The following P2RY12 variants were observed in gnomAD, a reference collection of about 807,000 sequenced individuals.
P2RY12 encodes purinergic receptor P2Y12.
P2RY12 carries 3 observed loss-of-function variants against 4.5 expected under a neutral mutation model. The ratio of observed to expected loss-of-function variants is 0.67; its 90% CI spans 0.31 to 1.74. The LOEUF is 1.74. Among genes scored for constraint, P2RY12 ranks in the 40% most tolerant of loss-of-function variants. P2RY12 has a pLI of 0.09. For missense variants in P2RY12, 356 were observed against 407.8 expected (o/e 0.87, Z 1.09); for synonymous variants, 148 against 154.1 (o/e 0.96, Z 0.29).
At position 151,383,858 on chromosome 3, in the gene P2RY12, C is replaced by T. The variant is rs1458009806; in HGVS notation, c.-180+834G>A. 9 of 1,613,772 alleles carry T rather than the reference C, an allele frequency of 5.6e-6. No individual in the cohort carries two copies. In the Admixed American group the frequency reaches 1.5e-4, roughly 27 times the overall value. On this transcript the variant is annotated intron_variant, in intron 1 of 2. Transcript: ENST00000302632. ...GCCCTGCTACTCCTTCAGATCATTA[C>T]TTCAGGAACTGTTGACATGCACACT...
chr3:151,348,211 G>T (rs879151022), intron 1 of P2RY12, among the ~76,000 whole-genome samples: 4 of 151,892 alleles, frequency 2.6e-5, no homozygotes, highest in Admixed American at 6.6e-5. Flanking sequence ...TTTACATTAG[G>T]ACCATCTGAT....
chr3:151,377,094 C>G, intron 1 of P2RY12: 1 of 1,614,092 alleles, frequency 6.2e-7, no homozygotes, highest in Non-Finnish European at 8.5e-7. Flanking sequence ...TCTTCTAATT[C>G]TGGCATGAGC....
intron 1 of P2RY12, chr3:151,350,051 T>G: frequency 6.2e-7 from 1 of 1,606,596 alleles, no homozygotes; most frequent in Non-Finnish European, 8.5e-7. Context: ...GCATTTTCTG[T>G]TTTTCAGGAT....
intron 1 of P2RY12, among the ~76,000 whole-genome samples, chr3:151,361,580 G>GT (rs1754620799): frequency 6.6e-6 from 1 of 151,992 alleles, no homozygotes; most frequent in African/African-American, 2.4e-5. Context: ...ATATTTTATT[G>GT]TTTAATGAGT....
intron 1 of P2RY12, among the ~76,000 whole-genome samples, chr3:151,351,896 C>T (rs180806585): frequency 6.6e-6 from 1 of 152,262 alleles, no homozygotes; most frequent in East Asian, 1.9e-4. Flanking sequence ...TTGTAGCAGT[C>T]CCTCAAATAG....
chr3:151,361,487 A>G (rs768835584), intron 1 of P2RY12, among the ~76,000 whole-genome samples: 70 of 152,150 alleles, frequency 4.6e-4, no homozygotes, highest in Non-Finnish European at 8.2e-4. Flanking sequence ...CAGTTAACCT[A>G]CTTGCTATCT....
At chr3:151,370,283 G>C (rs1257820731) in intron 1 of P2RY12, among the ~76,000 whole-genome samples, 1 of 151,918 alleles carries the variant, frequency 6.6e-6, no homozygotes, top group African/African-American at 2.4e-5. Flanking sequence ...TCCAACTTTG[G>C]GTACCTTCTT....
At chr3:151,362,502 C>T (rs939471483) in intron 1 of P2RY12, among the ~76,000 whole-genome samples, 1 of 152,064 alleles carries the variant, frequency 6.6e-6, no homozygotes, top group Non-Finnish European at 1.5e-5. Context: ...CCACACTTCA[C>T]TCACGACTGT....
rs1007580097 is a variant in P2RY12 at position 151,337,611 on chromosome 3, A to C, written c.*206T>G. 1 of 568,394 alleles carries C rather than the reference A, an allele frequency of 1.8e-6. No homozygotes were observed. The highest frequency in any genetic ancestry group is 3.4e-5 in the Admixed American group (1 of 29,062). 35.2% of individuals were successfully genotyped at this position (568,394 alleles called of 1,614,324 possible). Reference sequence around the variant, plus strand: ...ATGTCGTTTGTTTTGCTGCTAATACAGCTACAGTTTAGATTAGTTTTCTAT... The same window carrying C: ...ATGTCGTTTGTTTTGCTGCTAATACCGCTACAGTTTAGATTAGTTTTCTAT... On this transcript the variant is annotated 3_prime_UTR_variant, in exon 3 of 3. Coordinates refer to ENST00000302632, the MANE Select transcript of P2RY12 (RefSeq NM_022788.5).
chr3:151,356,495 C>T (rs1254330236), intron 1 of P2RY12, among the ~76,000 whole-genome samples: 4 of 152,106 alleles, frequency 2.6e-5, no homozygotes, highest in African/African-American at 9.7e-5. Context: ...ATAATTTAGA[C>T]ATTGTGAATT....
chr3:151,345,495 G>A (rs531028397), intron 1 of P2RY12, among the ~76,000 whole-genome samples: 14 of 140,390 alleles, frequency 1.0e-4, no homozygotes, highest in East Asian at 8.5e-4. Flanking sequence ...AGGCTTCTAC[G>A]TTTTCTTTCT....
At chr3:151,364,110 G>C (rs1754984537) in intron 1 of P2RY12, among the ~76,000 whole-genome samples, 1 of 152,124 alleles carries the variant, frequency 6.6e-6, no homozygotes, top group Non-Finnish European at 1.5e-5. Context: ...TGAGTAGAGA[G>C]AGTGAATGTT....
Position 151,338,214 on chromosome 3 carries a change from A to C in P2RY12, c.632T>G (p.Leu211Arg). ...NFLIVIVCYTLITKELYRSYV... is the reference protein window; with the variant it reads ...NFLIVIVCYTRITKELYRSYV... ...TGACCGGTACAGTTCTTTTGTAATG[A>C]GTGTATAACATACAATAACAATTAA... Residue 211 changes from leucine to arginine, a missense_variant, in exon 3 of 3, where the codon CTC becomes CGC. By Grantham distance (102) the Leu-to-Arg change is moderately radical. Coordinates refer to ENST00000302632, the MANE Select transcript of P2RY12 (RefSeq NM_022788.5). 1 of 1,614,110 alleles carries C rather than the reference A, an allele frequency of 6.2e-7. No homozygotes were observed. Among genetic ancestry groups the C allele is most frequent in the Non-Finnish European group, 8.5e-7 (1 of 1,179,980 alleles).
At chr3:151,377,901 G>A (rs372555916) in intron 1 of P2RY12, 1 of 1,061,194 alleles carries the variant, frequency 9.4e-7, no homozygotes, top group Non-Finnish European at 1.3e-6. Flanking sequence ...GGAAATTTTA[G>A]AACAGTCTGT....
At chr3:151,343,794 G>C (rs1031699786) in intron 1 of P2RY12, among the ~76,000 whole-genome samples, 24 of 152,104 alleles carry the variant, frequency 1.6e-4, no homozygotes, top group African/African-American at 5.3e-4. Context: ...AAGGTAGTCT[G>C]CTCATCTGAA....
At position 151,363,700 on chromosome 3, in the gene P2RY12, G is replaced by C. The variant is rs150778503; in HGVS notation, c.-180+20992C>G. ...TTAGTAGATGACTTTAGTCCTCTTT[G>C]TTAGAGTAGTGCTTCCCAAGCATTA... is the stretch of plus-strand genomic sequence containing the variant. On this transcript the variant is annotated intron_variant, in intron 1 of 2. Transcript: ENST00000302632. Among the ~76,000 whole-genome samples the C allele has an allele frequency of 9.3e-3, 1,418 of 152,262 alleles. 17 individuals are homozygous for C. Among genetic ancestry groups the C allele is most frequent in the African/African-American group, 0.032 (1,341 of 41,552 alleles).
Position 151,373,561 on chromosome 3 carries a change from T to G in P2RY12, c.-180+11131A>C, listed in dbSNP as rs77308922. 5.4e-3 allele frequency among the ~76,000 whole-genome samples: 559 copies of G among 104,434 alleles called. 2 individuals are homozygous for G. The highest frequency in any genetic ancestry group is 7.0e-3 in the Non-Finnish European group (376 of 53,796). 68.5% of individuals were successfully genotyped at this position (104,434 alleles called of 152,430 possible). ...TACTATGATGGTTGCAAAATGGTGG[T>G]TTTTTTTTTTCCCCAACTTCTCCTC... On this transcript the variant is annotated intron_variant, in intron 1 of 2. Transcript: ENST00000302632.
At chr3:151,339,189 T>G (rs558906164) in intron 2 of P2RY12, among the ~76,000 whole-genome samples, 1 of 152,138 alleles carries the variant, frequency 6.6e-6, no homozygotes, top group Non-Finnish European at 1.5e-5. Context: ...AGAGAAATAA[T>G]GGGGCTGTGC....
intron 1 of P2RY12, among the ~76,000 whole-genome samples, chr3:151,383,600 T>C (rs570555245): frequency 6.6e-6 from 1 of 152,256 alleles, no homozygotes; most frequent in African/African-American, 2.4e-5. Context: ...TGAACTGTGC[T>C]GAAAGAACTA....
Sources: allele counts gnomAD v4.1 joint callset (sites outside exome capture counted in the v4.1 genomes callset), GRCh38; gene constraint gnomAD v4.1.1; transcripts MANE v1.5; gene names NCBI Gene and HGNC (gene_info 2026-07-23, HGNC 2026-07-21).